The following CP variants were observed in gnomAD, a reference collection of about 807,000 sequenced individuals.
CP encodes the protein caeruloplasmin.
CP carries 64 observed loss-of-function variants against 122.4 expected under a neutral mutation model. That is an observed-to-expected ratio of 0.52 (90% confidence interval 0.43 to 0.64). CP has a LOEUF of 0.64. Ranked by LOEUF, CP falls within the 30% of genes least tolerant of loss-of-function variation. The pLI, the probability that CP is intolerant of heterozygous loss-of-function variation, is 0.00. For missense variants in CP, 1,167 were observed against 1,284.4 expected (o/e 0.91, Z 1.40); for synonymous variants, 440 against 436.4 (o/e 1.01, Z -0.10).
At chr3:149,197,133 G>A (rs146564690) in intron 9 of CP, among the ~76,000 whole-genome samples, 2,835 of 151,464 alleles carry the variant, frequency 0.019, 102 homozygotes, top group African/African-American at 0.063. Context: ...CCTATAAAAC[G>A]GCCCCACACT....
At chr3:149,176,162 A>G (rs1331818423) in intron 18 of CP, 88 bp downstream of exon 18, 1 of 1,236,442 alleles carries the variant, frequency 8.1e-7, no homozygotes, top group African/African-American at 1.5e-5. Flanking sequence ...ATATTGATGC[A>G]TCATATTGGG....
intron 14 of CP, 30 bp downstream of exon 14, chr3:149,181,975 C>CGGGGGGGGCGG: frequency 1.8e-6 from 2 of 1,088,426 alleles, no homozygotes; most frequent in Non-Finnish European, 2.7e-6. Context: ...TGTTAAAATG[C>CGGGGGGGGCGG]ACCACCCCCA....
rs1727827221 is a variant in CP at position 149,207,537 on chromosome 3, T to C, written c.862A>G (p.Met288Val). Residue 288 changes from methionine (M) to valine (V), a missense_variant, in exon 5 of 19, where the codon ATG (methionine) becomes GTG (valine). This residue lies in a region of CP where 642 missense variants were observed against 627.3 expected (regional missense o/e 1.02). Transcript: ENST00000264613. The part of the protein sequence containing the change: ...EDRVKWYLFG[M>V]GNEVDVHAAF... ...GCGTGCACATCAACTTCATTACCCA[T>C]ACCAAAAAGGTACCATTTTACTCTG... is the stretch of plus-strand genomic sequence containing the variant. 6.2e-7 allele frequency: 1 copy of C among 1,613,848 alleles called. No individual in the cohort carries two copies. The highest frequency in any genetic ancestry group is 1.3e-5 in the African/African-American group (1 of 74,920).
intron 17 of CP, chr3:149,176,682 T>G: frequency 2.5e-6 from 1 of 396,452 alleles, no homozygotes; most frequent in South Asian, 2.5e-5. Flanking sequence ...GTACCTTGAT[T>G]CTGGTTTGCC....
Position 149,216,936 on chromosome 3 carries a change from T to C in CP, c.147-4238A>G, listed in dbSNP as rs906147053. 5.3e-5 allele frequency among the ~76,000 whole-genome samples: 8 copies of C among 151,080 alleles called. 1 individual carries two copies. Among genetic ancestry groups the C allele is most frequent in the Admixed American group, 4.6e-4 (7 of 15,138 alleles). On this transcript the variant is annotated intron_variant, in intron 1 of 18. Transcript: ENST00000264613. ...TTTTTTTTGAGATGGAATCTTGCTC[T>C]GTCGCCCAGGCTATAATGTAACGGC...
At chr3:149,195,027 T>C (rs967587560) in intron 9 of CP, among the ~76,000 whole-genome samples, 2 of 152,122 alleles carry the variant, frequency 1.3e-5, no homozygotes, top group African/African-American at 4.8e-5. Flanking sequence ...TTTTAGTAGA[T>C]GATAAAGGCA....
At chr3:149,202,293 AG>A in intron 6 of CP, 52 bp from the exon 7 acceptor site, 1 of 1,612,928 alleles carries the variant, frequency 6.2e-7, no homozygotes, top group Non-Finnish European at 8.5e-7. Context: ...AACAGAAAGC[AG>A]GTATTCACTT....
At chr3:149,200,675 T>C (rs932169915) in intron 7 of CP, among the ~76,000 whole-genome samples, 1 of 151,484 alleles carries the variant, frequency 6.6e-6, no homozygotes, top group South Asian at 2.1e-4. Flanking sequence ...CTCATTTTTG[T>C]ACTTTTTTTT....
intron 4 of CP, chr3:149,167,050 C>T (rs1724496107): frequency 6.2e-7 from 1 of 1,613,096 alleles, no homozygotes; most frequent in South Asian, 1.1e-5. Flanking sequence ...ATATGTGGTC[C>T]TTCATTTGAC....
rs141047401 is a variant in CP, at chr3:149,175,296, T to C, written c.3181+954A>G. Among the ~76,000 whole-genome samples the C allele has an allele frequency of 9.8e-5, 15 of 152,292 alleles. No individual in the cohort carries two copies. In the East Asian group the frequency reaches 2.7e-3, roughly 27 times the overall value. On this transcript the variant is annotated intron_variant, in intron 18 of 18. Transcript: ENST00000264613. Reference sequence around the variant, plus strand: ...GGCTTGTCTGTTAGAGTCTTTGATATTCTAGTGTTATCAGTGACTGCTCTA... The same window carrying C: ...GGCTTGTCTGTTAGAGTCTTTGATACTCTAGTGTTATCAGTGACTGCTCTA...
intron 6 of CP, among the ~76,000 whole-genome samples, chr3:149,202,640 G>A (rs1727422041): frequency 3.2e-5 from 4 of 126,908 alleles, no homozygotes; most frequent in Admixed American, 9.9e-5. Flanking sequence ...ATGGAGTCTC[G>A]CTCTGTCACC....
At chr3:149,205,952 G>C (rs898796491) in intron 6 of CP, among the ~76,000 whole-genome samples, 2 of 152,116 alleles carry the variant, frequency 1.3e-5, no homozygotes, top group Non-Finnish European at 2.9e-5. Flanking sequence ...ACTTTGTCAA[G>C]CATTTGATAA....
At chr3:149,214,234 G>A (rs981041307) in intron 1 of CP, among the ~76,000 whole-genome samples, 1 of 152,194 alleles carries the variant, frequency 6.6e-6, no homozygotes, top group Non-Finnish European at 1.5e-5. Context: ...CCTCTGCGGT[G>A]GAGGCTATAT....
At chr3:149,185,207 C>T (rs1041397278) in intron 12 of CP, 32 bp downstream of exon 12, 12 of 1,606,378 alleles carry the variant, frequency 7.5e-6, no homozygotes, top group Non-Finnish European at 1.0e-5. Context: ...AAAATTACTG[C>T]TGAAATTGGG....
intron 1 of CP, chr3:149,217,809 T>C (rs887069473): frequency 3.5e-5 from 11 of 314,918 alleles, no homozygotes; most frequent in Non-Finnish European, 6.5e-5. Flanking sequence ...TGAACACTTA[T>C]TGAATACTTA....
At chr3:149,189,949 C>T (rs1331757422) in intron 9 of CP, among the ~76,000 whole-genome samples, 1 of 152,072 alleles carries the variant, frequency 6.6e-6, no homozygotes, top group African/African-American at 2.4e-5. Flanking sequence ...TGTCTGTGAG[C>T]ATGCTGTAAA....
At chr3:149,172,032 G>A (rs1725045855), downstream of CP, 2 of 1,557,752 alleles carry the variant, frequency 1.3e-6, no homozygotes, top group South Asian at 2.2e-5. Flanking sequence ...GGTTGGTTAA[G>A]TAAGAAGAGA....
downstream of CP, among the ~76,000 whole-genome samples, chr3:149,171,440 T>G (rs73166820): frequency 0.15 from 22,372 of 152,176 alleles, 2,178 homozygotes; most frequent in East Asian, 0.28. Context: ...TCTTTATAAA[T>G]TAGCTTAGTA....
At chr3:149,200,330 T>A (rs924219536) in intron 7 of CP, among the ~76,000 whole-genome samples, 5 of 152,244 alleles carry the variant, frequency 3.3e-5, no homozygotes, top group African/African-American at 1.2e-4. Context: ...AGAATAAAAA[T>A]ATATATTTTA....
Sources: gnomAD v4.1 joint callset for allele counts (sites outside exome capture counted in the v4.1 genomes callset) on GRCh38, gnomAD v4.1.1 for gene constraint, gnomAD v4.1.1 regional missense constraint, MANE v1.5 for transcripts, NCBI Gene and HGNC (gene_info 2026-07-23, HGNC 2026-07-21) for gene names.